The following ADGRV1 variants were observed in gnomAD, a reference collection of about 807,000 sequenced individuals.
The protein encoded by ADGRV1 is G-protein coupled receptor 98.
Under a neutral mutation model 596.2 loss-of-function variants are expected in ADGRV1, and 359 were observed. That is an observed-to-expected ratio of 0.60 (90% confidence interval 0.55 to 0.66). The LOEUF is 0.66. ADGRV1 is among the 30% of genes least tolerant of loss of function. ADGRV1 has a pLI of 0.00. For synonymous variants in ADGRV1, 2,681 were observed against 2,679.2 expected, an observed-to-expected ratio of 1.00 and a Z score of -0.02; for missense variants, 7,274 against 7,575.6, an observed-to-expected ratio of 0.96 and a Z score of 1.48.
At chr5:90,820,096 G>C (rs1763323940) in intron 75 of ADGRV1, among the ~76,000 whole-genome samples, 1 of 151,892 alleles carries the variant, frequency 6.6e-6, no homozygotes, top group African/African-American at 2.4e-5. Flanking sequence ...GAATCTGGGT[G>C]CTCCTGTGTT....
chr5:90,823,402 A>C, intron 75 of ADGRV1, 23 bp from the exon 76 acceptor site: 1 of 1,611,542 alleles, frequency 6.2e-7, no homozygotes, highest in East Asian at 2.2e-5. Context: ...CTGTTAAGGC[A>C]TTGGTGGGTT....
intron 83 of ADGRV1, among the ~76,000 whole-genome samples, chr5:90,868,969 A>G (rs1395703494): frequency 6.6e-6 from 1 of 152,150 alleles, no homozygotes; most frequent in Non-Finnish European, 1.5e-5. Flanking sequence ...CAGTTCGACC[A>G]CTTCCATCTC....
At chr5:90,618,456 G>GT (rs1240145874) in intron 3 of ADGRV1, among the ~76,000 whole-genome samples, 4 of 152,082 alleles carry the variant, frequency 2.6e-5, no homozygotes, top group African/African-American at 9.7e-5. Context: ...CATTCTGGTT[G>GT]TTTTTTCTAA....
chr5:90,857,824 A>G (rs182220519), intron 82 of ADGRV1, among the ~76,000 whole-genome samples: 4 of 152,302 alleles, frequency 2.6e-5, no homozygotes, highest in Admixed American at 6.5e-5. Context: ...TCTTATATAC[A>G]TATTCTATAA....
intron 18 of ADGRV1, 92 bp downstream of exon 18, chr5:90,651,822 A>C (rs939923065): frequency 6.7e-5 from 57 of 845,780 alleles, no homozygotes; most frequent in Non-Finnish European, 9.8e-5. Context: ...AAATTTAAAA[A>C]TTGGTTAAGA....
chr5:91,054,071 T>TTGTGTGTGTGTGTG (rs769226492), intron 85 of ADGRV1, among the ~76,000 whole-genome samples: 2 of 133,060 alleles, frequency 1.5e-5, no homozygotes, highest in African/African-American at 2.9e-5. Context: ...CTGTGTGTGT[T>TTGTGTGTGTGTGTG]TGTGTGTGTG....
chr5:91,048,920 T>C (rs1187908994), intron 85 of ADGRV1, among the ~76,000 whole-genome samples: 1 of 152,200 alleles, frequency 6.6e-6, no homozygotes, highest in East Asian at 1.9e-4. Flanking sequence ...TTTATTTGAC[T>C]CTAGTTACTT....
chr5:90,845,425 T>A (rs1370492937), intron 78 of ADGRV1, among the ~76,000 whole-genome samples: 2 of 152,188 alleles, frequency 1.3e-5, no homozygotes, highest in African/African-American at 2.4e-5. Flanking sequence ...TGTTTTTTTT[T>A]AATATGAATG....
chr5:91,068,223 AG>A (rs1406324987), intron 85 of ADGRV1, among the ~76,000 whole-genome samples: 3 of 152,074 alleles, frequency 2.0e-5, no homozygotes, highest in African/African-American at 7.2e-5. Flanking sequence ...TTGGGAGGCC[AG>A]GGCAGGTGGA....
chr5:90,926,034 CA>C (rs924128262), intron 83 of ADGRV1, among the ~76,000 whole-genome samples: 1 of 129,412 alleles, frequency 7.7e-6, no homozygotes, highest in Non-Finnish European at 1.6e-5. Flanking sequence ...TTCGTTTTGC[CA>C]GTATTTTATT....
intron 87 of ADGRV1, among the ~76,000 whole-genome samples, chr5:91,140,688 T>G (rs571898823): frequency 3.3e-5 from 5 of 152,146 alleles, no homozygotes; most frequent in Admixed American, 6.5e-5. Context: ...TTCGGAAAGT[T>G]TTTAAATCTG....
intron 48 of ADGRV1, among the ~76,000 whole-genome samples, chr5:90,727,124 G>A (rs1580894463): frequency 6.6e-6 from 1 of 152,050 alleles, no homozygotes; most frequent in Non-Finnish European, 1.5e-5. Context: ...GTCTGGCTCT[G>A]TGGCCCAGGC....
intron 85 of ADGRV1, among the ~76,000 whole-genome samples, chr5:91,042,502 A>C (rs1158458754): frequency 6.6e-6 from 1 of 152,152 alleles, no homozygotes; most frequent in African/African-American, 2.4e-5. Context: ...CTATCTTTAA[A>C]TATTAAAGGT....
intron 83 of ADGRV1, among the ~76,000 whole-genome samples, chr5:90,958,283 CAA>C (rs34676985): frequency 0.063 from 4,548 of 72,730 alleles, 72 homozygotes; most frequent in East Asian, 0.27. Flanking sequence ...GACCTTGTCT[CAA>C]AAAAAAAAAA....
intron 83 of ADGRV1, among the ~76,000 whole-genome samples, chr5:90,927,685 G>T (rs1230584639): frequency 1.3e-5 from 2 of 151,494 alleles, no homozygotes; most frequent in Non-Finnish European, 2.9e-5. Context: ...ATGATGTTAG[G>T]GGTGATTTTG....
chr5:90,704,318 A>G (rs747828008), intron 35 of ADGRV1, 71 bp from the exon 36 acceptor site: 27 of 914,276 alleles, frequency 3.0e-5, no homozygotes, highest in Admixed American at 1.4e-4. Context: ...TATAAGGTGA[A>G]TAAAAATAAA....
Position 90,791,080 on chromosome 5 carries a change from T to A in ADGRV1, c.14251T>A (p.Trp4751Arg). The A allele has an allele frequency of 1.9e-6, 3 of 1,613,978 alleles. No homozygotes were observed. Among genetic ancestry groups the A allele is most frequent in the Non-Finnish European group, 2.5e-6 (3 of 1,179,882 alleles). ...ACTGGATCTGGAGAAGAGTATCACA[T>A]GGTTCTCTGTTTATGCAAATGATGA... ...AELDLEKSITWFSVYANDDPH... is the reference protein window; with the variant it reads ...AELDLEKSITRFSVYANDDPH... The change falls in exon 70 of 90, where the codon TGG (tryptophan) becomes AGG (arginine). Residue 4751 changes from tryptophan to arginine, a missense_variant. Coordinates refer to ENST00000405460, the MANE Select transcript of ADGRV1 (RefSeq NM_032119.4).
chr5:91,150,287 C>T, intron 88 of ADGRV1, 66 bp downstream of exon 88: 1 of 1,216,328 alleles, frequency 8.2e-7, no homozygotes, highest in Non-Finnish European at 1.1e-6. Context: ...CTCTGTCTGT[C>T]TCTCTCTCTG....
intron 85 of ADGRV1, among the ~76,000 whole-genome samples, chr5:91,058,868 G>A (rs1787145179): frequency 6.6e-6 from 1 of 152,052 alleles, no homozygotes; most frequent in African/African-American, 2.4e-5. Context: ...CCTGCTGATC[G>A]GTAAAGAACT....
Sources: allele counts gnomAD v4.1 joint callset (sites outside exome capture counted in the v4.1 genomes callset), GRCh38; gene constraint gnomAD v4.1.1; transcripts MANE v1.5; gene names NCBI Gene and HGNC (gene_info 2026-07-23, HGNC 2026-07-21).